Variants in COLGALT2 observed in about 807,000 individuals in gnomAD.
COLGALT2 encodes collagen beta(1-O)galactosyltransferase 2, also known as procollagen galactosyltransferase 2.
COLGALT2 carries 49 observed loss-of-function variants against 73.4 expected under a neutral mutation model. That is an observed-to-expected ratio of 0.67 (90% CI 0.53 to 0.85). The LOEUF (loss-of-function observed/expected upper bound fraction) is 0.85, where lower values mean the gene tolerates loss of function less well. Ranked by LOEUF, COLGALT2 falls within the 40% of genes least tolerant of loss-of-function variation. The pLI is 0.00. For missense variants in COLGALT2, 722 were observed against 790.2 expected (o/e 0.91, Z 1.03); for synonymous variants, 295 against 307.6 (o/e 0.96, Z 0.43).
chr1:183,989,203 G>C (rs1230113692), intron 1 of COLGALT2, among the ~76,000 whole-genome samples: 1 of 152,160 alleles, frequency 6.6e-6, no homozygotes, highest in Non-Finnish European at 1.5e-5. Context: ...CAGATGCAAG[G>C]GCCCAGGAAT....
Position 183,936,332 on chromosome 1 carries a change from G to A in COLGALT2, c.*2429C>T, listed in dbSNP as rs1463139699. ...ACTTTAAAAAAAAAGTCACATCTGC[G>A]GCTCACAGTGTTCACCAGAAAAGAA... On this transcript the variant is annotated 3_prime_UTR_variant, in exon 12 of 12. Transcript: ENST00000361927. The A allele has an allele frequency of 4.1e-6, 4 of 977,710 alleles. No homozygotes were observed. Among genetic ancestry groups the A allele is most frequent in the South Asian group, 4.7e-5 (1 of 21,106 alleles). The allele number at this position is 977,710 out of a possible 1,614,324, so 60.6% of individuals were successfully genotyped here. A position where few individuals can be genotyped will look rare whatever the true frequency, so the allele number is the denominator to read the frequency against.
In COLGALT2 at chr1:183,935,853, T is replaced by A. The variant is rs923001850; in HGVS notation, c.*2908A>T. On this transcript the variant is annotated 3_prime_UTR_variant, in exon 12 of 12. Transcript: ENST00000361927. ...CATATCTTTGAGCTAAGTTTTTTTT[T>A]AATTTTTCACAAAGAGCTCCAGAAG... 141 of 985,350 alleles carry A rather than the reference T, an allele frequency of 1.4e-4. 1 individual carries two copies. The highest frequency in any genetic ancestry group is 5.2e-4 in the Middle Eastern group (1 of 1,936). 61.0% of individuals were successfully genotyped at this position (985,350 alleles called of 1,614,324 possible).
chr1:183,978,581 CA>C (rs1671269388), intron 1 of COLGALT2, 61 bp from the exon 2 acceptor site: 1 of 1,004,582 alleles, frequency 1.0e-6, no homozygotes, highest in African/African-American at 1.6e-5. Flanking sequence ...GAGGGAAATC[CA>C]AAAGACCCCT....
intron 6 of COLGALT2, among the ~76,000 whole-genome samples, chr1:183,955,515 T>C (rs868718518): frequency 4.6e-5 from 7 of 152,204 alleles, no homozygotes; most frequent in Admixed American, 1.3e-4. Context: ...CCATGTCTAA[T>C]GGGAAGATTC....
chr1:183,991,172 C>T (rs1671619375), intron 1 of COLGALT2, among the ~76,000 whole-genome samples: 2 of 152,036 alleles, frequency 1.3e-5, no homozygotes, highest in African/African-American at 4.8e-5. Flanking sequence ...ATCATGTGTC[C>T]AAAGTAAACA....
rs1303316288 is a variant in COLGALT2, at chr1:183,977,333, T to A, written c.374+1077A>T. 2.6e-5 allele frequency among the ~76,000 whole-genome samples: 4 copies of A among 151,904 alleles called. No individual in the cohort carries two copies. In the East Asian group the frequency reaches 7.7e-4, roughly 29 times the overall value. On this transcript the variant is annotated intron_variant, in intron 2 of 11. Coordinates refer to ENST00000361927, the MANE Select transcript of COLGALT2 (RefSeq NM_015101.4). Reference sequence around the variant, plus strand: ...CAAAATACAAAAAAATAGCTGGGTGTGGTGGCACACACCTGTAGTCCCAGC... The same window carrying A: ...CAAAATACAAAAAAATAGCTGGGTGAGGTGGCACACACCTGTAGTCCCAGC...
chr1:184,020,148 A>C (rs1008557825), intron 1 of COLGALT2, among the ~76,000 whole-genome samples: 8 of 152,168 alleles, frequency 5.3e-5, no homozygotes, highest in African/African-American at 1.9e-4. Context: ...CCTGCCCCCG[A>C]ATCCTATTAG....
In COLGALT2 at chr1:183,937,686, C is replaced by T; in HGVS notation, c.*1075G>A. ...CCAATGTGTCCACACCCACCACTCC[C>T]CCGGGTGCCGTGGAAGTCTGCAACA... On this transcript the variant is annotated 3_prime_UTR_variant, in exon 12 of 12. Transcript: ENST00000361927. 1 of 985,424 alleles carries T rather than the reference C, an allele frequency of 1.0e-6. No homozygotes were observed. Among genetic ancestry groups the T allele is most frequent in the Non-Finnish European group, 1.2e-6 (1 of 829,950 alleles). 61.0% of individuals were successfully genotyped at this position (985,424 alleles called of 1,614,324 possible). A position where few individuals can be genotyped will look rare whatever the true frequency, so the allele number is the denominator to read the frequency against.
chr1:183,936,189 G>A lies in COLGALT2; in HGVS notation c.*2572C>T, dbSNP rs577060373. 1.0e-4 allele frequency: 100 copies of A among 985,486 alleles called. No homozygotes were observed. The highest frequency in any genetic ancestry group is 5.1e-4 in the African/African-American group (29 of 57,354). The allele number at this position is 985,486 out of a possible 1,614,324, so 61.0% of individuals were successfully genotyped here. A position where few individuals can be genotyped will look rare whatever the true frequency, so the allele number is the denominator to read the frequency against. On this transcript the variant is annotated 3_prime_UTR_variant, in exon 12 of 12. Transcript: ENST00000361927. ...CAGATGCAAAGGCCTCTATACTGAC[G>A]CCCTCACATGACACTGCAAAGGTCA...
chr1:183,967,736 G>A (rs947172447), intron 5 of COLGALT2, among the ~76,000 whole-genome samples: 6 of 152,180 alleles, frequency 3.9e-5, no homozygotes, highest in African/African-American at 1.4e-4. Context: ...AAAGGGATTG[G>A]CACTCAAAGG....
intron 10 of COLGALT2, among the ~76,000 whole-genome samples, chr1:183,943,051 C>T (rs187686646): frequency 9.8e-5 from 15 of 152,334 alleles, no homozygotes; most frequent in East Asian, 3.9e-4. Context: ...TGAAGTGCAG[C>T]GACTTCTGGA....
intron 1 of COLGALT2, among the ~76,000 whole-genome samples, chr1:184,013,969 G>A (rs1648912461): frequency 6.6e-6 from 1 of 152,172 alleles, no homozygotes; most frequent in South Asian, 2.1e-4. Flanking sequence ...GAATATAGGA[G>A]ACAGAGCTGG....
At chr1:184,019,972 G>A (rs57178358) in intron 1 of COLGALT2, among the ~76,000 whole-genome samples, 30,694 of 152,096 alleles carry the variant, frequency 0.2, 3,542 homozygotes, top group East Asian at 0.48. Flanking sequence ...CCTAACCTGT[G>A]CTGTAAGTAA....
intron 9 of COLGALT2, 62 bp from the exon 10 acceptor site, chr1:183,944,385 TA>T (rs1670194832): frequency 1.3e-6 from 2 of 1,543,852 alleles, no homozygotes; most frequent in Non-Finnish European, 1.7e-6. Flanking sequence ...TTTTATTAGA[TA>T]AATAAGTATT....
At chr1:183,971,122 GA>G (rs2102813978) in intron 4 of COLGALT2, among the ~76,000 whole-genome samples, 1 of 152,302 alleles carries the variant, frequency 6.6e-6, no homozygotes, top group East Asian at 1.9e-4. Context: ...CAGAGATGAT[GA>G]ATGTGTTCCT....
At chr1:183,950,136 T>TC (rs1670356118) in intron 8 of COLGALT2, among the ~76,000 whole-genome samples, 2 of 152,204 alleles carry the variant, frequency 1.3e-5, no homozygotes, top group Admixed American at 1.3e-4. Flanking sequence ...TGTCTAAGAA[T>TC]CACCTTGAGG....
chr1:183,971,038 T>C (rs1671024565), intron 4 of COLGALT2, among the ~76,000 whole-genome samples: 1 of 152,112 alleles, frequency 6.6e-6, no homozygotes, highest in African/African-American at 2.4e-5. Context: ...AATCACTGAA[T>C]ATCCTTGGGG....
chr1:183,952,643 C>A (rs1002162381), intron 7 of COLGALT2, among the ~76,000 whole-genome samples: 2 of 152,216 alleles, frequency 1.3e-5, no homozygotes, highest in Non-Finnish European at 2.9e-5. Flanking sequence ...AAAATATTCT[C>A]ATTTCTATCC....
chr1:183,970,267 A>C (rs1671000401), intron 4 of COLGALT2, among the ~76,000 whole-genome samples: 1 of 152,212 alleles, frequency 6.6e-6, no homozygotes, highest in African/African-American at 2.4e-5. Context: ...AAAGATGAAG[A>C]TATATCTCAA....
Sources: gnomAD v4.1 joint callset for allele counts (sites outside exome capture counted in the v4.1 genomes callset) on GRCh38, gnomAD v4.1.1 for gene constraint, MANE v1.5 for transcripts, NCBI Gene and HGNC (gene_info 2026-07-23, HGNC 2026-07-21) for gene names.